The following POLD3 variants were observed in gnomAD, a reference collection of about 807,000 sequenced individuals.
POLD3 encodes the protein DNA polymerase delta subunit 3.
Under a neutral mutation model 58.2 loss-of-function variants are expected in POLD3, and 19 were observed. That is an observed-to-expected ratio of 0.33 (90% CI 0.23 to 0.48). POLD3 has a LOEUF of 0.48. POLD3 is among the 20% of genes least tolerant of loss of function. The pLI is 0.99. For synonymous variants in POLD3, 172 were observed against 193.5 expected (o/e 0.89, Z 0.92); for missense variants, 504 against 545.5 (o/e 0.92, Z 0.76).
chr11:74,625,805 C>T (rs1442605848), intron 8 of POLD3, among the ~76,000 whole-genome samples: 2 of 150,346 alleles, frequency 1.3e-5, no homozygotes, highest in African/African-American at 4.9e-5. Flanking sequence ...TGTTTTTGGC[C>T]GTATTGATCT....
rs761294165 is a variant in POLD3, at chr11:74,612,941, T to C, written c.323T>C (p.Leu108Pro). The change falls in exon 5 of 12, where the codon CTA (leucine) becomes CCA (proline). Residue 108 changes from leucine (L) to proline (P), a missense_variant. This residue lies in a region of POLD3 where 119 missense variants were observed against 175.0 expected (regional missense o/e 0.68). Coordinates refer to ENST00000263681, the MANE Select transcript of POLD3 (RefSeq NM_006591.3). ...IHVYSIQKAM[L>P]KDSGPLFNTD... The stretch of plus-strand genomic sequence containing the variant: ...GTGTACAGCATCCAGAAAGCCATGC[T>C]AAAGGACAGTGGGCCTCTGTTCAAT... 2 of 1,613,914 alleles carry C rather than the reference T, an allele frequency of 1.2e-6. No homozygotes were observed. Among genetic ancestry groups the C allele is most frequent in the South Asian group, 2.2e-5 (2 of 91,068 alleles).
intron 4 of POLD3, among the ~76,000 whole-genome samples, chr11:74,668,385 TC>T (rs2135205027): frequency 6.6e-6 from 1 of 152,256 alleles, no homozygotes; most frequent in East Asian, 1.9e-4. Flanking sequence ...TGGAATACTG[TC>T]CAGCCCTAAA....
At position 74,641,476 on chromosome 11, in the gene POLD3, T is replaced by C; in HGVS notation, c.*710T>C. On this transcript the variant is annotated 3_prime_UTR_variant, in exon 12 of 12. Coordinates refer to ENST00000263681, the MANE Select transcript of POLD3 (RefSeq NM_006591.3). Reference sequence around the variant, plus strand: ...CAGAACACAAATAGAAATTTAATGATGTGTTCAACTCCACCAGAAATTACC... The same window carrying C: ...CAGAACACAAATAGAAATTTAATGACGTGTTCAACTCCACCAGAAATTACC... The C allele has an allele frequency of 1.0e-6, 1 of 985,404 alleles. No homozygotes were observed. Among genetic ancestry groups the C allele is most frequent in the South Asian group, 4.7e-5 (1 of 21,284 alleles). The allele number at this position is 985,404 out of a possible 1,614,324, so 61.0% of individuals were successfully genotyped here.
chr11:74,667,529 C>CAAAAAAAAAAAAAAA (rs1303701288), intron 4 of POLD3, among the ~76,000 whole-genome samples: 1 of 150,708 alleles, frequency 6.6e-6, no homozygotes, highest in African/African-American at 2.4e-5. Context: ...GACTCCGTCT[C>CAAAAAAAAAAAAAAA]AAAAAAAAGG....
chr11:74,657,223 A>C (rs900686950), intron 4 of POLD3, among the ~76,000 whole-genome samples: 1 of 151,106 alleles, frequency 6.6e-6, no homozygotes, highest in African/African-American at 2.4e-5. Flanking sequence ...TTTTTTTTTT[A>C]ATCCATTCAG....
chr11:74,655,627 A>T (rs529233786), intron 4 of POLD3, among the ~76,000 whole-genome samples: 5 of 151,412 alleles, frequency 3.3e-5, no homozygotes, highest in Admixed American at 2.6e-4. Flanking sequence ...AACCATGGGG[A>T]TTTTTACAAA....
intron 1 of POLD3, 121 bp downstream of exon 1, chr11:74,592,839 C>T (rs1461863486): frequency 6.6e-7 from 1 of 1,519,974 alleles, no homozygotes; most frequent in Non-Finnish European, 8.8e-7. Flanking sequence ...AGACAGGTCC[C>T]CACGAGGGGA....
intron 4 of POLD3, among the ~76,000 whole-genome samples, chr11:74,648,830 A>C (rs1045247174): frequency 6.6e-6 from 1 of 152,234 alleles, no homozygotes; most frequent in African/African-American, 2.4e-5. Context: ...AAAGTAGATC[A>C]TAAGTAACAG....
In POLD3 at chr11:74,618,645, A is replaced by T; in HGVS notation, c.501A>T (p.Gln167His). 6.2e-7 allele frequency: 1 copy of T among 1,614,210 alleles called. No individual in the cohort carries two copies. Among genetic ancestry groups the T allele is most frequent in the Non-Finnish European group, 8.5e-7 (1 of 1,180,026 alleles). ...QSHLHMSSET[Q>H]ANNELTTNGH... ...ATCTTCACATGTCAAGTGAGACACA[A>T]GCCAACAATGAGCTGACCACCAATG... Residue 167 changes from glutamine to histidine, a missense_variant, in exon 6 of 12, where the codon CAA (glutamine) becomes CAT (histidine). This residue lies in a region of POLD3 where 385 missense variants were observed against 370.5 expected (regional missense o/e 1.04). Coordinates refer to ENST00000263681, the MANE Select transcript of POLD3 (RefSeq NM_006591.3).
chr11:74,607,244 A>ATATTTATTTATTTATT (rs376369916), intron 3 of POLD3, among the ~76,000 whole-genome samples: 6 of 123,434 alleles, frequency 4.9e-5, no homozygotes, highest in Non-Finnish European at 9.5e-5. Flanking sequence ...TTATTATTAT[A>ATATTTATTTATTTATT]TATTTATTTA....
intron 4 of POLD3, among the ~76,000 whole-genome samples, chr11:74,658,800 C>T (rs538238313): frequency 6.6e-6 from 1 of 152,212 alleles, no homozygotes; most frequent in South Asian, 2.1e-4. Context: ...GCAGCTCCAC[C>T]CCTGTGGCTT....
In POLD3 at chr11:74,641,417, C is replaced by A. The variant is rs1172237669; in HGVS notation, c.*651C>A. ...TTTCACAAAAGCTCTCTGGGACCTT[C>A]ACTTGCAATTAGTGGTTAGGGAAAA... On this transcript the variant is annotated 3_prime_UTR_variant, in exon 12 of 12. Coordinates refer to ENST00000263681, the MANE Select transcript of POLD3 (RefSeq NM_006591.3). 4.1e-6 allele frequency: 4 copies of A among 985,318 alleles called. No individual in the cohort carries two copies. The highest frequency in any genetic ancestry group is 4.8e-6 in the Non-Finnish European group (4 of 829,958). 61.0% of individuals were successfully genotyped at this position (985,318 alleles called of 1,614,324 possible).
At position 74,634,648 on chromosome 11, in the gene POLD3, C is replaced by A. The variant is rs781016303; in HGVS notation, c.1072C>A (p.Pro358Thr). The A allele has an allele frequency of 5.0e-6, 8 of 1,613,288 alleles. No individual in the cohort carries two copies. In the South Asian group the frequency reaches 6.6e-5, roughly 13 times the overall value. Residue 358 changes from proline to threonine, a missense_variant, in exon 10 of 12, where the codon CCT becomes ACT. Physicochemically the swap from Pro to Thr is conservative, Grantham distance 38. This residue lies in a region of POLD3 where 385 missense variants were observed against 370.5 expected (regional missense o/e 1.04). Transcript: ENST00000263681. ...ATCCCCACCTCCTCCTCCGTCTCCA[C>A]CTCTTGAACCAGTGCCAAAGACTGA... ...SPSPPPPPSP[P>T]LEPVPKTEPE...
In POLD3 at chr11:74,629,266, A is replaced by T; in HGVS notation, c.949A>T (p.Met317Leu). 6.2e-7 allele frequency: 1 copy of T among 1,609,508 alleles called. No homozygotes were observed. The highest frequency in any genetic ancestry group is 8.5e-7 in the Non-Finnish European group (1 of 1,177,386). Reference protein sequence around the residue: ...SDDETKETENMRKKRRRIKLP... With the variant: ...SDDETKETENLRKKRRRIKLP... ...TGATGAGACAAAGGAAACTGAAAACATGAGGAAAAAGAGGAGAAGAATCAA... is the reference window on the plus strand; with the variant it reads ...TGATGAGACAAAGGAAACTGAAAACTTGAGGAAAAAGAGGAGAAGAATCAA... The change falls in exon 9 of 12, where the codon ATG becomes TTG. Residue 317 changes from methionine (M) to leucine (L), a missense_variant. Physicochemically the swap from Met to Leu is conservative, Grantham distance 15. This residue lies in a region of POLD3 where 385 missense variants were observed against 370.5 expected (regional missense o/e 1.04). Transcript: ENST00000263681.
chr11:74,645,940 G>GTTTT (rs779871745), downstream of POLD3, among the ~76,000 whole-genome samples: 1 of 142,106 alleles, frequency 7.0e-6, no homozygotes, highest in African/African-American at 2.6e-5. Context: ...GATGATTGAT[G>GTTTT]TTTTTTTTTT....
At chr11:74,623,532 G>T (rs1422910040) in intron 7 of POLD3, among the ~76,000 whole-genome samples, 1 of 152,168 alleles carries the variant, frequency 6.6e-6, no homozygotes, top group African/African-American at 2.4e-5. Context: ...TCTTTCTGGG[G>T]TGATGAAAAT....
exon 5 of POLD3, chr11:74,668,788 A>G: frequency 7.8e-7 from 1 of 1,288,672 alleles, no homozygotes; most frequent in Non-Finnish European, 1.0e-6. Context: ...GGTGCTGGAC[A>G]TGCAGTCCCA....
intron 4 of POLD3, among the ~76,000 whole-genome samples, chr11:74,661,831 G>A (rs2033210113): frequency 6.6e-6 from 1 of 152,208 alleles, no homozygotes; most frequent in South Asian, 2.1e-4. Flanking sequence ...GCCAGGGACT[G>A]GAGTAAAAAA....
At chr11:74,646,589 G>A (rs777748811), downstream of POLD3, among the ~76,000 whole-genome samples, 28 of 152,324 alleles carry the variant, frequency 1.8e-4, no homozygotes, top group Middle Eastern at 3.4e-3. Context: ...ACTGCTGTAA[G>A]CAGTCCATTT....
Sources: gnomAD v4.1 joint callset for allele counts (sites outside exome capture counted in the v4.1 genomes callset) on GRCh38, gnomAD v4.1.1 for gene constraint, gnomAD v4.1.1 regional missense constraint, MANE v1.5 for transcripts, NCBI Gene and HGNC (gene_info 2026-07-23, HGNC 2026-07-21) for gene names.